The following NEK4 variants were observed in gnomAD, a reference collection of about 807,000 sequenced individuals.
The protein encoded by NEK4 is NIMA related kinase 4, also known as serine/threonine-protein kinase Nek4.
In NEK4, 86 loss-of-function variants were observed where a neutral mutation model predicts 98.4. That is an observed-to-expected ratio of 0.87 (90% CI 0.73 to 1.05). NEK4 has a LOEUF of 1.05. Among genes scored for constraint, NEK4 ranks in the 50% least tolerant of loss-of-function variants. NEK4 has a pLI of 0.00. For missense variants in NEK4, 898 were observed against 950.3 expected, an observed-to-expected ratio of 0.94 and a Z score of 0.72; for synonymous variants, 328 against 342.2, an observed-to-expected ratio of 0.96 and a Z score of 0.46.
At chr3:52,763,666 G>C in intron 4 of NEK4, 42 bp from the exon 5 acceptor site, 3 of 1,431,356 alleles carry the variant, frequency 2.1e-6, no homozygotes, top group Non-Finnish European at 1.9e-6. Flanking sequence ...TAATGGTCTT[G>C]TGAAACAAAG....
chr3:52,737,471 A>G (rs2097378075), intron 15 of NEK4, 115 bp downstream of exon 15: 12 of 1,104,150 alleles, frequency 1.1e-5, no homozygotes, highest in Non-Finnish European at 1.6e-5. Context: ...CACATTAAAA[A>G]CCACTGAATT....
intron 15 of NEK4, among the ~76,000 whole-genome samples, chr3:52,726,760 T>C (rs1415471607): frequency 1.1e-4 from 17 of 150,818 alleles, no homozygotes; most frequent in Non-Finnish European, 2.1e-4. Context: ...ACAAAAATTA[T>C]CTGGGCGTGG....
At chr3:52,765,375 A>C (rs1698519544) in intron 4 of NEK4, among the ~76,000 whole-genome samples, 2 of 151,990 alleles carry the variant, frequency 1.3e-5, no homozygotes, top group Admixed American at 1.3e-4. Flanking sequence ...CAAAAAAAAA[A>C]ACCTTAATGA....
intron 11 of NEK4, among the ~76,000 whole-genome samples, chr3:52,743,854 T>C: frequency 6.6e-6 from 1 of 152,146 alleles, no homozygotes; most frequent in Non-Finnish European, 1.5e-5. Context: ...ATGATAGCCC[T>C]CAGCCTACGG....
intron 6 of NEK4, among the ~76,000 whole-genome samples, chr3:52,752,954 A>AC (rs1315107149): frequency 0.021 from 2,874 of 136,700 alleles, 201 homozygotes; most frequent in African/African-American, 0.077. Context: ...ACACACACAC[A>AC]ATGGAATATT....
chr3:52,727,708 T>A (rs2154102591), intron 15 of NEK4, among the ~76,000 whole-genome samples: 2 of 152,308 alleles, frequency 1.3e-5, no homozygotes, highest in South Asian at 4.1e-4. Context: ...TGACCTCAAG[T>A]GATCCACCCA....
At chr3:52,728,836 C>G (rs1290671589) in intron 15 of NEK4, among the ~76,000 whole-genome samples, 1 of 152,270 alleles carries the variant, frequency 6.6e-6, no homozygotes, top group East Asian at 1.9e-4. Context: ...CTATAAACGG[C>G]TGCTCTGGGA....
intron 15 of NEK4, among the ~76,000 whole-genome samples, chr3:52,717,401 C>CA (rs905596908): frequency 5.7e-5 from 8 of 140,622 alleles, no homozygotes; most frequent in Non-Finnish European, 9.1e-5. Context: ...AGCAAGACTC[C>CA]ATCTCAAAAA....
chr3:52,747,982 CAG>C (rs2097399138), intron 8 of NEK4, among the ~76,000 whole-genome samples: 1 of 151,610 alleles, frequency 6.6e-6, no homozygotes, highest in African/African-American at 2.4e-5. Context: ...TTTTTTGAGA[CAG>C]AGTCTCGCTC....
At chr3:52,715,806 T>C (rs1394939629) in intron 15 of NEK4, among the ~76,000 whole-genome samples, 1 of 152,258 alleles carries the variant, frequency 6.6e-6, no homozygotes, top group Non-Finnish European at 1.5e-5. Flanking sequence ...CTAAAAGAAC[T>C]GTAAACAAAC....
rs1229544797 is a variant in NEK4, at chr3:52,762,413, A to G, written c.821+1057T>C. Among the ~76,000 whole-genome samples, 5 of 152,240 alleles carry G rather than the reference A, an allele frequency of 3.3e-5. No homozygotes were observed. In the East Asian group the frequency reaches 9.6e-4, roughly 29 times the overall value. On this transcript the variant is annotated intron_variant, in intron 5 of 15. Transcript: ENST00000233027. Reference sequence around the variant, plus strand: ...CTCCTTGAGAACAGGACTAACTCATAGGCAGTGAGCCCAGAGTAGTGCATA... The same window carrying G: ...CTCCTTGAGAACAGGACTAACTCATGGGCAGTGAGCCCAGAGTAGTGCATA...
chr3:52,768,020 C>T (rs1052368053), intron 2 of NEK4, among the ~76,000 whole-genome samples: 4 of 152,224 alleles, frequency 2.6e-5, no homozygotes, highest in Admixed American at 6.5e-5. Flanking sequence ...CATGACACGA[C>T]TGACCAATGG....
At chr3:52,736,092 T>C (rs554754171) in intron 15 of NEK4, among the ~76,000 whole-genome samples, 17 of 152,348 alleles carry the variant, frequency 1.1e-4, no homozygotes, top group Admixed American at 1.1e-3. Context: ...TTTTACTTGG[T>C]GCTAAATCAA....
In NEK4 at chr3:52,752,275, G is replaced by A; in HGVS notation, c.1025C>T (p.Ala342Val). 1 of 1,614,174 alleles carries A rather than the reference G, an allele frequency of 6.2e-7. No individual in the cohort carries two copies. Among genetic ancestry groups the A allele is most frequent in the Admixed American group, 1.7e-5 (1 of 60,010 alleles). The change falls in exon 7 of 16, where the codon GCC becomes GTC. Residue 342 changes from alanine to valine, a missense_variant. Physicochemically the swap from Ala to Val is moderately conservative, Grantham distance 64. Coordinates refer to ENST00000233027, the MANE Select transcript of NEK4 (RefSeq NM_003157.6). The part of the protein sequence containing the change: ...PRASGLLKSP[A>V]SLKAHTCKQD... ...TTTGCAGGTATGGGCTTTCAGACTG[G>A]CAGGTGACTTCAAGAGACCAGAGGC...
intron 6 of NEK4, among the ~76,000 whole-genome samples, chr3:52,757,956 G>C (rs1698186306): frequency 6.6e-6 from 1 of 151,842 alleles, no homozygotes; most frequent in Admixed American, 6.6e-5. Flanking sequence ...TGGGTGGATT[G>C]CCTGAGGTCA....
At chr3:52,742,981 A>G (rs1200227185) in intron 12 of NEK4, among the ~76,000 whole-genome samples, 4 of 151,906 alleles carry the variant, frequency 2.6e-5, no homozygotes. Context: ...GACAGGGTCC[A>G]ACTATATTGC....
At chr3:52,770,375 T>C (rs1698732784) in intron 1 of NEK4, among the ~76,000 whole-genome samples, 1 of 149,338 alleles carries the variant, frequency 6.7e-6, no homozygotes. Flanking sequence ...AACAAAGAAG[T>C]AGATAGGCAG....
At chr3:52,751,565 G>A (rs1020074722) in intron 7 of NEK4, among the ~76,000 whole-genome samples, 1 of 151,850 alleles carries the variant, frequency 6.6e-6, no homozygotes, top group Admixed American at 6.6e-5. Flanking sequence ...AGGTTGCAGT[G>A]AGCCGAGATC....
intron 15 of NEK4, among the ~76,000 whole-genome samples, chr3:52,730,401 T>C (rs2154102747): frequency 6.6e-6 from 1 of 152,114 alleles, no homozygotes; most frequent in Non-Finnish European, 1.5e-5. Flanking sequence ...TTCCAGAGAG[T>C]TGAGGAGGAA....
Sources: allele counts gnomAD v4.1 joint callset (sites outside exome capture counted in the v4.1 genomes callset), GRCh38; gene constraint gnomAD v4.1.1; transcripts MANE v1.5; gene names NCBI Gene and HGNC (gene_info 2026-07-23, HGNC 2026-07-21).